Variants in PPP1R21 observed in about 807,000 individuals in gnomAD.
PPP1R21 encodes the protein protein phosphatase 1 regulatory subunit 21, also known as KLRAQ motif containing 1.
In PPP1R21, 85 loss-of-function variants were observed where a neutral mutation model predicts 112.8. That is an observed-to-expected ratio of 0.75 (90% confidence interval 0.63 to 0.90). PPP1R21 has a LOEUF of 0.90. Ranked by LOEUF, PPP1R21 falls within the 40% of genes least tolerant of loss-of-function variation. The pLI is 0.00. For missense variants in PPP1R21, 1,199 were observed against 901.5 expected (o/e 1.33, Z -4.23); for synonymous variants, 381 against 322.3 (o/e 1.18, Z -1.95).
intron 7 of PPP1R21, among the ~76,000 whole-genome samples, chr2:48,461,571 C>G (rs148085900): frequency 3.3e-5 from 5 of 152,188 alleles, no homozygotes; most frequent in Non-Finnish European, 7.4e-5. Flanking sequence ...GGAAATGAGG[C>G]TTGGTGGTGG....
Position 48,514,979 on chromosome 2 carries a change from A to G in PPP1R21, c.*235A>G. 2.0e-6 allele frequency: 1 copy of G among 511,022 alleles called. No homozygotes were observed. The highest frequency in any genetic ancestry group is 3.1e-5 in the East Asian group (1 of 31,790). 31.7% of individuals were successfully genotyped at this position (511,022 alleles called of 1,614,324 possible). A position where few individuals can be genotyped will look rare whatever the true frequency, so the allele number is the denominator to read the frequency against. ...ATGGAAAACAATACGTATGTCATGGATATTGTAGGTTTCCTTATGCTGTTT... is the reference window on the plus strand; with the variant it reads ...ATGGAAAACAATACGTATGTCATGGGTATTGTAGGTTTCCTTATGCTGTTT... On this transcript the variant is annotated 3_prime_UTR_variant, in exon 22 of 22. Transcript: ENST00000294952.
At chr2:48,496,763 A>T (rs376047666) in intron 16 of PPP1R21, among the ~76,000 whole-genome samples, 58 of 152,302 alleles carry the variant, frequency 3.8e-4, no homozygotes, top group African/African-American at 1.3e-3. Context: ...CATTGCGCCC[A>T]GTGGAGCTTG....
At chr2:48,506,030 G>A (rs1322424851) in intron 18 of PPP1R21, among the ~76,000 whole-genome samples, 1 of 152,162 alleles carries the variant, frequency 6.6e-6, no homozygotes, top group African/African-American at 2.4e-5. Context: ...AGTGAACCCA[G>A]GTCAGATTTG....
At position 48,465,614 on chromosome 2, in the gene PPP1R21, T is replaced by G. The variant is rs1381409184; in HGVS notation, c.869T>G (p.Ile290Ser). 1 of 1,613,426 alleles carries G rather than the reference T, an allele frequency of 6.2e-7. No homozygotes were observed. Among genetic ancestry groups the G allele is most frequent in the East Asian group, 2.2e-5 (1 of 44,876 alleles). Residue 290 changes from isoleucine to serine, a missense_variant, in exon 9 of 22, where the codon ATT becomes AGT. Ile to Ser is a moderately radical substitution (Grantham distance 142, BLOSUM62 -2). Coordinates refer to ENST00000294952, the MANE Select transcript of PPP1R21 (RefSeq NM_001135629.3). ...CAAATTTTTCCTGTTGATTCTGCCATTGACACTATATCTCCATTGAATCAG... is the reference window on the plus strand; with the variant it reads ...CAAATTTTTCCTGTTGATTCTGCCAGTGACACTATATCTCCATTGAATCAG... Reference protein sequence around the residue: ...RIQIFPVDSAIDTISPLNQKF... With the variant: ...RIQIFPVDSASDTISPLNQKF...
chr2:48,479,862 G>T, intron 12 of PPP1R21, 62 bp from the exon 13 acceptor site: 1 of 968,882 alleles, frequency 1.0e-6, no homozygotes, highest in South Asian at 1.3e-5. Flanking sequence ...CAAAAGTAGA[G>T]GGATACAATG....
In PPP1R21 at chr2:48,505,582, A is replaced by G; in HGVS notation, c.1954A>G (p.Thr652Ala). 1 of 1,550,740 alleles carries G rather than the reference A, an allele frequency of 6.4e-7. No individual in the cohort carries two copies. Among genetic ancestry groups the G allele is most frequent in the Non-Finnish European group, 8.7e-7 (1 of 1,145,588 alleles). The change falls in exon 18 of 22, where the codon ACA becomes GCA. Residue 652 changes from threonine to alanine, a missense_variant. Coordinates refer to ENST00000294952, the MANE Select transcript of PPP1R21 (RefSeq NM_001135629.3). ...GTTCTAGATTGGGACTTTAACCAGG[A>G]CATCTGACAGTGAGGTAACATGTGC... ...STSLIGTLTR[T>A]SDSEVPDVES...
At chr2:48,502,325 C>T (rs1024636142) in intron 17 of PPP1R21, among the ~76,000 whole-genome samples, 6 of 152,188 alleles carry the variant, frequency 3.9e-5, no homozygotes, top group African/African-American at 1.4e-4. Flanking sequence ...TAACAAAAGA[C>T]AGGTTAACTG....
At chr2:48,500,253 T>C (rs894082979) in intron 17 of PPP1R21, among the ~76,000 whole-genome samples, 2 of 152,148 alleles carry the variant, frequency 1.3e-5, no homozygotes, top group African/African-American at 4.8e-5. Flanking sequence ...GATTTCAGTG[T>C]ACTTAGAGTA....
intron 3 of PPP1R21, among the ~76,000 whole-genome samples, chr2:48,456,635 A>G (rs191840259): frequency 6.6e-5 from 10 of 152,340 alleles, no homozygotes; most frequent in Non-Finnish European, 1.3e-4. Context: ...TTATATGTTA[A>G]TAGTTTTCCC....
At chr2:48,467,420 A>G (rs1668254710) in intron 9 of PPP1R21, among the ~76,000 whole-genome samples, 1 of 152,226 alleles carries the variant, frequency 6.6e-6, no homozygotes, top group South Asian at 2.1e-4. Flanking sequence ...TAAAACAACA[A>G]ACATTTACTA....
chr2:48,503,114 T>G (rs1458909948), intron 17 of PPP1R21, among the ~76,000 whole-genome samples: 1 of 152,210 alleles, frequency 6.6e-6, no homozygotes, highest in Admixed American at 6.5e-5. Flanking sequence ...AGCCTTAAAG[T>G]AAAAGCACAG....
intron 7 of PPP1R21, among the ~76,000 whole-genome samples, chr2:48,463,746 A>T (rs1195859790): frequency 1.3e-5 from 2 of 152,048 alleles, no homozygotes; most frequent in Non-Finnish European, 2.9e-5. Context: ...ATTATGTCCT[A>T]AGGTCCTGAG....
chr2:48,510,488 CT>C (rs1670590045), intron 20 of PPP1R21, among the ~76,000 whole-genome samples: 1 of 152,198 alleles, frequency 6.6e-6, no homozygotes, highest in African/African-American at 2.4e-5. Flanking sequence ...AAAGGTGGGG[CT>C]ATAACATTCC....
chr2:48,469,535 T>TATATATAGAGAGAGAGAG lies in PPP1R21; in HGVS notation c.898-1551_898-1550insTATATAGAGAGAGAGAGA. ...ATATATATATATATATATATATATA[T>TATATATAGAGAGAGAGAG]AGAGCATATATATATATAGAGAGAG... On this transcript the variant is annotated intron_variant, in intron 9 of 21. Coordinates refer to ENST00000294952, the MANE Select transcript of PPP1R21 (RefSeq NM_001135629.3). Among the ~76,000 whole-genome samples, 2 of 73,224 alleles carry TATATATAGAGAGAGAGAG rather than the reference T, an allele frequency of 2.7e-5. 1 individual carries two copies. The highest frequency in any genetic ancestry group is 9.4e-4 in the South Asian group (2 of 2,124). The allele number at this position is 73,224 out of a possible 152,430, so 48.0% of individuals were successfully genotyped here.
At position 48,477,633 on chromosome 2, in the gene PPP1R21, C is replaced by T. The variant is rs1273276558; in HGVS notation, c.1226-2291C>T. Among the ~76,000 whole-genome samples the T allele has an allele frequency of 2.0e-5, 3 of 149,880 alleles. No individual in the cohort carries two copies. In the South Asian group the frequency reaches 6.3e-4, roughly 32 times the overall value. On this transcript the variant is annotated intron_variant, in intron 12 of 21. Coordinates refer to ENST00000294952, the MANE Select transcript of PPP1R21 (RefSeq NM_001135629.3). ...TATCTTGATGATTGTTGCTTTATAG[C>T]AAATTTCGAGATTAGGAAGCGTGAG...
At chr2:48,459,175 G>A (rs1421194466) in intron 4 of PPP1R21, among the ~76,000 whole-genome samples, 7 of 143,046 alleles carry the variant, frequency 4.9e-5, no homozygotes, top group Non-Finnish European at 1.1e-4. Flanking sequence ...TCAAATGGTA[G>A]GAAACACACA....
At chr2:48,511,567 A>C in intron 21 of PPP1R21, 99 bp downstream of exon 21, 1 of 1,432,672 alleles carries the variant, frequency 7.0e-7, no homozygotes, top group East Asian at 2.3e-5. Flanking sequence ...ATAAGATTTA[A>C]AGTGTTTGTA....
chr2:48,460,055 A>G, intron 5 of PPP1R21, 40 bp from the exon 6 acceptor site: 2 of 1,612,032 alleles, frequency 1.2e-6, no homozygotes, highest in South Asian at 2.2e-5. Context: ...TATCTGTCGT[A>G]GCCTGAGCCA....
At chr2:48,468,592 C>T (rs1489486374) in intron 9 of PPP1R21, among the ~76,000 whole-genome samples, 5 of 152,188 alleles carry the variant, frequency 3.3e-5, no homozygotes, top group East Asian at 3.9e-4. Flanking sequence ...GCGGGTGGAT[C>T]GCTTGACCTC....
Sources: gnomAD v4.1 joint callset for allele counts (sites outside exome capture counted in the v4.1 genomes callset) on GRCh38, gnomAD v4.1.1 for gene constraint, MANE v1.5 for transcripts, NCBI Gene and HGNC (gene_info 2026-07-23, HGNC 2026-07-21) for gene names.